Variants in CD34 observed in about 807,000 individuals in gnomAD.
The protein encoded by CD34 is hematopoietic progenitor cell antigen CD34.
Under a neutral mutation model 40.1 loss-of-function variants are expected in CD34, and 34 were observed. The ratio of observed to expected loss-of-function variants is 0.85; its 90% CI spans 0.65 to 1.13. CD34 has a LOEUF of 1.13. Among genes scored for constraint, CD34 ranks in the 50% most tolerant of loss-of-function variants. The probability of loss-of-function intolerance (pLI) is 0.00; values close to 1 mark genes in which losing one functional copy is unlikely to be tolerated. For synonymous variants in CD34, 209 were observed against 190.0 expected, an observed-to-expected ratio of 1.10 and a Z score of -0.82; for missense variants, 426 against 466.9, an observed-to-expected ratio of 0.91 and a Z score of 0.81.
At chr1:207,894,785 C>A (rs1662114585) in intron 4 of CD34, among the ~76,000 whole-genome samples, 1 of 152,058 alleles carries the variant, frequency 6.6e-6, no homozygotes, top group African/African-American at 2.4e-5. Flanking sequence ...TTCCCTTCCC[C>A]TGGCTGCCTA....
chr1:207,893,444 C>T (rs1662076890), intron 4 of CD34, among the ~76,000 whole-genome samples: 1 of 152,122 alleles, frequency 6.6e-6, no homozygotes, highest in Non-Finnish European at 1.5e-5. Flanking sequence ...GGTGAAAACG[C>T]TATTTTCACA....
intron 4 of CD34, among the ~76,000 whole-genome samples, chr1:207,891,416 T>C (rs940455000): frequency 1.3e-5 from 2 of 152,148 alleles, no homozygotes; most frequent in Non-Finnish European, 2.9e-5. Flanking sequence ...GCGCGGTGAC[T>C]CATGCCTGTC....
In CD34 at chr1:207,889,481, G is replaced by A. The variant is rs1558117695; in HGVS notation, c.738C>T (p.Val246=). The change falls in exon 5 of 8, where the codon GTC becomes GTT. Residue 246 remains valine (V), a synonymous_variant. Transcript: ENST00000310833. ...SEVRPQCLLL[V]LANRTEISSK... is the part of the protein sequence containing the mutation. ...GCACCTTACCTGTTCTGTTGGCCAA[G>A]ACCAGCAGTAGACACTGAGGCCTCA... The A allele has an allele frequency of 5.0e-6, 8 of 1,612,898 alleles. No homozygotes were observed. Among genetic ancestry groups the A allele is most frequent in the Non-Finnish European group, 6.8e-6 (8 of 1,179,392 alleles).
chr1:207,882,163 G>A lies in CD34; in HGVS notation c.*5575C>T, dbSNP rs982441402. 1.5e-4 allele frequency: 23 copies of A among 152,356 alleles called. No homozygotes were observed. Among genetic ancestry groups the A allele is most frequent in the African/African-American group, 5.5e-4 (23 of 41,576 alleles). The allele number at this position is 152,356 out of a possible 1,614,324, so 9.4% of individuals were successfully genotyped here. ...GTCAAACATAGGGAGACTCCGATATGTAGAGAGAAGAAGGCAGAATTGGGA... is the reference window on the plus strand; with the variant it reads ...GTCAAACATAGGGAGACTCCGATATATAGAGAGAAGAAGGCAGAATTGGGA... On this transcript the variant is annotated 3_prime_UTR_variant, in exon 8 of 8. Transcript: ENST00000310833.
intron 4 of CD34, among the ~76,000 whole-genome samples, chr1:207,893,876 C>G (rs1428311467): frequency 6.6e-6 from 1 of 152,090 alleles, no homozygotes. Context: ...GAAATACCAC[C>G]GCATACCCAT....
chr1:207,904,361 C>A (rs1408304003), intron 1 of CD34, among the ~76,000 whole-genome samples: 1 of 152,180 alleles, frequency 6.6e-6, no homozygotes, highest in Non-Finnish European at 1.5e-5. Flanking sequence ...GACATGCCAG[C>A]CTCTGCCAGG....
rs1661925752 is a variant in CD34, at chr1:207,887,492, C to A, written c.*246G>T. On this transcript the variant is annotated 3_prime_UTR_variant, in exon 8 of 8. Transcript: ENST00000310833. ...TCCTGGGAGCTTCTCCAGACCTTGG[C>A]TTTCCCCCGTCACACGTTTACCCAA... is the stretch of plus-strand genomic sequence containing the variant. 1.9e-6 allele frequency: 1 copy of A among 528,420 alleles called. No individual in the cohort carries two copies. The highest frequency in any genetic ancestry group is 3.3e-6 in the Non-Finnish European group (1 of 299,796). 32.7% of individuals were successfully genotyped at this position (528,420 alleles called of 1,614,324 possible).
chr1:207,888,240 G>A (rs1055583344), intron 7 of CD34: 15 of 989,366 alleles, frequency 1.5e-5, no homozygotes, highest in Middle Eastern at 2.3e-4. Context: ...TAGGGGACAG[G>A]CCAGAGGCCA....
chr1:207,895,816 A>G (rs2102299713), intron 4 of CD34, among the ~76,000 whole-genome samples: 1 of 152,274 alleles, frequency 6.6e-6, no homozygotes, highest in Non-Finnish European at 1.5e-5. Context: ...AAAGATCGTC[A>G]TTTTCCTTGG....
intron 3 of CD34, among the ~76,000 whole-genome samples, chr1:207,898,625 GC>G (rs1405013051): frequency 1.3e-5 from 2 of 152,186 alleles, no homozygotes; most frequent in Non-Finnish European, 2.9e-5. Flanking sequence ...CAGCAAATAA[GC>G]AATAGTTGCC....
chr1:207,904,699 G>T (rs771683002), intron 1 of CD34, among the ~76,000 whole-genome samples: 31 of 152,154 alleles, frequency 2.0e-4, no homozygotes, highest in Non-Finnish European at 3.1e-4. Flanking sequence ...ACTTATTTCT[G>T]TGACTCATCT....
chr1:207,889,302 T>C, intron 5 of CD34, 89 bp from the exon 6 acceptor site: 1 of 1,601,000 alleles, frequency 6.2e-7, no homozygotes, highest in Non-Finnish European at 8.5e-7. Context: ...GATGCTCTGA[T>C]GGCCAGGGTG....
chr1:207,900,066 T>G, intron 1 of CD34, 63 bp from the exon 2 acceptor site: 1 of 1,272,538 alleles, frequency 7.9e-7, no homozygotes, highest in Non-Finnish European at 1.1e-6. Flanking sequence ...TATCACCTGA[T>G]GCAATTTCCT....
chr1:207,898,538 T>C (rs1402547280), intron 3 of CD34, among the ~76,000 whole-genome samples: 4 of 152,338 alleles, frequency 2.6e-5, no homozygotes, highest in Middle Eastern at 3.4e-3. Context: ...ACTGCCTCTC[T>C]GTGCCTGGCA....
At chr1:207,897,269 C>G (rs559300233) in intron 4 of CD34, among the ~76,000 whole-genome samples, 14 of 152,150 alleles carry the variant, frequency 9.2e-5, no homozygotes, top group Non-Finnish European at 1.9e-4. Context: ...GGAAAAATAA[C>G]AAAATTTATT....
intron 1 of CD34, among the ~76,000 whole-genome samples, chr1:207,902,523 G>A (rs745596826): frequency 2.0e-5 from 3 of 152,158 alleles, no homozygotes; most frequent in Non-Finnish European, 4.4e-5. Context: ...CAAGGGGGCA[G>A]TATTCAGACA....
chr1:207,906,448 C>T (rs945504920), intron 1 of CD34, among the ~76,000 whole-genome samples: 2 of 152,124 alleles, frequency 1.3e-5, no homozygotes, highest in African/African-American at 4.8e-5. Context: ...TGAGCAGATG[C>T]CTTCTTAAGC....
chr1:207,890,702 T>C (rs1662013507), intron 4 of CD34, among the ~76,000 whole-genome samples: 1 of 152,110 alleles, frequency 6.6e-6, no homozygotes, highest in Non-Finnish European at 1.5e-5. Flanking sequence ...CAACTGGGCT[T>C]GGATAAGGCC....
rs970237104 is a variant in CD34 at position 207,886,289 on chromosome 1, G to A, written c.*1449C>T. ...CCAACATACCACCCTCCATTTGGAAGCTCCCTGGTACATTCGGGTCTGCCT... is the reference window on the plus strand; with the variant it reads ...CCAACATACCACCCTCCATTTGGAAACTCCCTGGTACATTCGGGTCTGCCT... On this transcript the variant is annotated 3_prime_UTR_variant, in exon 8 of 8. Transcript: ENST00000310833. 4.6e-5 allele frequency: 7 copies of A among 152,256 alleles called. No individual in the cohort carries two copies. The highest frequency in any genetic ancestry group is 1.7e-4 in the African/African-American group (7 of 41,450). The allele number at this position is 152,256 out of a possible 1,614,324, so 9.4% of individuals were successfully genotyped here.
Sources: gnomAD v4.1 joint callset for allele counts (sites outside exome capture counted in the v4.1 genomes callset) on GRCh38, gnomAD v4.1.1 for gene constraint, MANE v1.5 for transcripts, NCBI Gene and HGNC (gene_info 2026-07-23, HGNC 2026-07-21) for gene names.